The following THBS4 variants were observed in gnomAD, a reference collection of about 807,000 sequenced individuals.
THBS4 encodes thrombospondin-4.
In THBS4, 90 loss-of-function variants were observed where a neutral mutation model predicts 115.7. That is an observed-to-expected ratio of 0.78 (90% CI 0.66 to 0.93). The LOEUF is 0.93. Ranked by LOEUF, THBS4 falls within the 40% of genes least tolerant of loss-of-function variation. The probability of loss-of-function intolerance (pLI) is 0.00; values close to 1 mark genes in which losing one functional copy is unlikely to be tolerated. For synonymous variants in THBS4, 460 were observed against 479.3 expected, an observed-to-expected ratio of 0.96 and a Z score of 0.53; for missense variants, 1,087 against 1,232.7, an observed-to-expected ratio of 0.88 and a Z score of 1.77.
chr5:80,079,803 A>C lies in THBS4; in HGVS notation c.2512-102A>C, dbSNP rs958308046. 6.2e-6 allele frequency: 8 copies of C among 1,285,448 alleles called. No individual in the cohort carries two copies. In the Admixed American group the frequency reaches 1.3e-4, roughly 20 times the overall value. The allele number at this position is 1,285,448 out of a possible 1,614,324, so 79.6% of individuals were successfully genotyped here. A position where few individuals can be genotyped will look rare whatever the true frequency, so the allele number is the denominator to read the frequency against. ...TTTGTTCTGAATCCAAGGCAGCCGG[A>C]TTATAACCATGACTATAACCTGGAT... On this transcript the variant is annotated intron_variant, in intron 19 of 21. Transcript: ENST00000350881.
chr5:80,059,404 C>G (rs967795300), intron 5 of THBS4, 36 bp from the exon 6 acceptor site: 1 of 1,603,000 alleles, frequency 6.2e-7, no homozygotes, highest in Non-Finnish European at 8.5e-7. Flanking sequence ...TCAGGCATTC[C>G]TTTTCAATCC....
In THBS4 at chr5:80,076,945, C is replaced by T. The variant is rs150649229; in HGVS notation, c.1983C>T (p.Asp661=). 7.2e-4 allele frequency: 1,161 copies of T among 1,613,856 alleles called. 1 individual carries two copies. The highest frequency in any genetic ancestry group is 9.9e-4 in the Middle Eastern group (6 of 6,060). The change falls in exon 16 of 22, where the codon GAC becomes GAT. Residue 661 remains aspartate (D), a synonymous_variant. Coordinates refer to ENST00000350881, the MANE Select transcript of THBS4 (RefSeq NM_003248.6). The part of the protein sequence containing the change: ...QLDTDKDGIG[D]ECDDDDDNDG... ...ACACCGATAAGGATGGAATTGGTGA[C>T]GAGTGTGATGATGATGATGACAATG... is the stretch of plus-strand genomic sequence containing the variant.
At chr5:80,021,403 T>A (rs1461311314) in intron 2 of THBS4, among the ~76,000 whole-genome samples, 2 of 152,172 alleles carry the variant, frequency 1.3e-5, no homozygotes, top group Non-Finnish European at 2.9e-5. Context: ...AAATAGTTGA[T>A]TTTAATAAAA....
chr5:80,070,730 G>A lies in THBS4; in HGVS notation c.1540G>A (p.Asp514Asn). The A allele has an allele frequency of 6.2e-7, 1 of 1,614,228 alleles. No individual in the cohort carries two copies. The highest frequency in any genetic ancestry group is 2.2e-5 in the East Asian group (1 of 44,890). Residue 514 changes from aspartate to asparagine, a missense_variant, in exon 12 of 22, where the codon GAT becomes AAT. By Grantham distance (23) the Asp-to-Asn change is conservative. Around this residue, in one of 3 missense-constraint regions of THBS4, gnomAD observed 979 missense variants for 1,103.7 expected, o/e 0.89. Transcript: ENST00000350881. The part of the protein sequence containing the change: ...GDACDEDADG[D>N]GILNEQDNCV... ...CGCTTGTGACGAGGATGCTGACGGA[G>A]ATGGGATCCTGAATGAGCAGGTACC...
chr5:80,057,448 ACT>A (rs1027854216), intron 3 of THBS4, among the ~76,000 whole-genome samples: 15 of 152,120 alleles, frequency 9.9e-5, no homozygotes, highest in African/African-American at 3.1e-4. Context: ...CATTTTCCTG[ACT>A]CTGCGGAGAT....
intron 2 of THBS4, among the ~76,000 whole-genome samples, chr5:80,004,648 G>GT (rs1303330466): frequency 6.6e-6 from 1 of 152,092 alleles, no homozygotes; most frequent in African/African-American, 2.4e-5. Flanking sequence ...ATTTTAAATT[G>GT]TTTTTTATTG....
upstream of THBS4, among the ~76,000 whole-genome samples, chr5:80,033,993 T>G (rs868818152): frequency 7.2e-5 from 11 of 152,218 alleles, no homozygotes; most frequent in African/African-American, 2.7e-4. Flanking sequence ...AAGGCAAGGC[T>G]GTTCTGCTTG....
At position 80,029,423 on chromosome 5, in the gene THBS4, ATATACATAATTATTAAATG is replaced by A. The variant is rs554319135; in HGVS notation, n.178-10637_178-10619del. 5.1e-3 allele frequency among the ~76,000 whole-genome samples: 778 copies of A among 152,334 alleles called. 6 individuals carry two copies. Among genetic ancestry groups the A allele is most frequent in the African/African-American group, 0.018 (733 of 41,574 alleles). On this transcript the variant is annotated intron_variant and non_coding_transcript_variant, in intron 2 of 3. Coordinates refer to the THBS4 transcript ENST00000510218. ...ACTCTCTCTGGACTTCAAGTTTGGT[ATATACATAATTATTAAATG>A]TATACATAATTATTAATTGTAACAT...
At chr5:80,043,731 T>C (rs1580939188) in intron 2 of THBS4, among the ~76,000 whole-genome samples, 1 of 152,230 alleles carries the variant, frequency 6.6e-6, no homozygotes, top group South Asian at 2.1e-4. Context: ...CTGAGCTCTC[T>C]GCTTCTACTC....
intron 2 of THBS4, among the ~76,000 whole-genome samples, chr5:80,043,574 C>T (rs528690842): frequency 2.2e-4 from 33 of 152,194 alleles, no homozygotes; most frequent in Non-Finnish European, 3.7e-4. Context: ...AAAACACACC[C>T]TTCCCTCCAT....
At chr5:80,070,995 T>C in intron 12 of THBS4, 26 bp from the exon 13 acceptor site, 2 of 1,610,400 alleles carry the variant, frequency 1.2e-6, no homozygotes, top group Non-Finnish European at 1.7e-6. Context: ...AAAGTCTGAG[T>C]GATGTTCTGT....
At chr5:80,050,309 G>C (rs1833213478) in intron 2 of THBS4, among the ~76,000 whole-genome samples, 1 of 152,194 alleles carries the variant, frequency 6.6e-6, no homozygotes, top group Admixed American at 6.5e-5. Context: ...AGCATTCAGG[G>C]ATCAGAGTTT....
intron 2 of THBS4, among the ~76,000 whole-genome samples, chr5:80,021,743 C>G (rs1832381881): frequency 6.6e-6 from 1 of 152,270 alleles, no homozygotes; most frequent in South Asian, 2.1e-4. Flanking sequence ...TCTTGAACGC[C>G]TGGCCTCAAA....
intron 15 of THBS4, 65 bp from the exon 16 acceptor site, chr5:80,076,790 T>C (rs1743238542): frequency 2.9e-6 from 4 of 1,379,960 alleles, no homozygotes; most frequent in Non-Finnish European, 3.8e-6. Flanking sequence ...CTCTCCTTCC[T>C]AAAAATGGAT....
chr5:80,038,938 C>T (rs547584955), intron 1 of THBS4, among the ~76,000 whole-genome samples: 1 of 152,276 alleles, frequency 6.6e-6, no homozygotes, highest in Admixed American at 6.5e-5. Context: ...TACTAATTTT[C>T]CAATTCGATG....
intron 2 of THBS4, among the ~76,000 whole-genome samples, chr5:80,005,029 C>T (rs559679518): frequency 2.0e-5 from 3 of 152,016 alleles, no homozygotes; most frequent in South Asian, 2.1e-4. Flanking sequence ...TGAGCCACCA[C>T]GCCCAGCCAA....
chr5:79,998,494 A>T (rs529192842), intron 2 of THBS4: 1 of 155,206 alleles, frequency 6.4e-6, no homozygotes, highest in Non-Finnish European at 1.4e-5. Flanking sequence ...TAGCAATGTG[A>T]TAACAGCCTA....
chr5:80,065,639 G>A (rs1293350217), intron 9 of THBS4, among the ~76,000 whole-genome samples, 162 bp downstream of exon 9: 2 of 152,154 alleles, frequency 1.3e-5, no homozygotes, highest in Non-Finnish European at 2.9e-5. Context: ...TGTTTAATAT[G>A]AGTAATTTTA....
chr5:80,047,135 G>A (rs181255232), intron 2 of THBS4, among the ~76,000 whole-genome samples: 131 of 152,294 alleles, frequency 8.6e-4, no homozygotes, highest in Non-Finnish European at 1.4e-3. Flanking sequence ...AATATTTGCC[G>A]AATGAATGAA....
Sources: allele counts gnomAD v4.1 joint callset (sites outside exome capture counted in the v4.1 genomes callset), GRCh38; gene constraint gnomAD v4.1.1; regional missense constraint gnomAD v4.1.1; transcripts MANE v1.5; gene names NCBI Gene and HGNC (gene_info 2026-07-23, HGNC 2026-07-21).